Variants in LRRTM3 observed in about 807,000 individuals in gnomAD.
LRRTM3 encodes the protein leucine-rich repeat transmembrane neuronal protein 3.
In LRRTM3, 24 loss-of-function variants were observed where a neutral mutation model predicts 44.7. That is an observed-to-expected ratio of 0.54 (90% confidence interval 0.39 to 0.76). LRRTM3 has a LOEUF of 0.76. LRRTM3 is among the 30% of genes least tolerant of loss of function. The probability of loss-of-function intolerance (pLI) is 0.00; values close to 1 mark genes in which losing one functional copy is unlikely to be tolerated. For missense variants in LRRTM3, 587 were observed against 702.2 expected (o/e 0.84, Z 1.85); for synonymous variants, 277 against 278.7 (o/e 0.99, Z 0.06).
chr10:66,976,272 G>A (rs1850024403), intron 2 of LRRTM3, among the ~76,000 whole-genome samples: 1 of 152,154 alleles, frequency 6.6e-6, no homozygotes, highest in Non-Finnish European at 1.5e-5. Flanking sequence ...CACTAATATA[G>A]GGAATCAGGG....
intron 2 of LRRTM3, among the ~76,000 whole-genome samples, chr10:66,943,335 AT>A (rs150723820): frequency 1.3e-5 from 2 of 151,332 alleles, no homozygotes; most frequent in East Asian, 1.9e-4. Context: ...ATCTTATTAG[AT>A]TTTTTTTTAC....
rs1728312249 is a variant in LRRTM3 at position 67,100,367 on chromosome 10, A to C, written c.*2571A>C. 6.6e-6 allele frequency among the ~76,000 whole-genome samples: 1 copy of C among 151,794 alleles called. No homozygotes were observed. Among genetic ancestry groups the C allele is most frequent in the Admixed American group, 6.6e-5 (1 of 15,188 alleles). ...CCAAAAGGGTCTTTAGCAAGAAAAAAAATGCTGGATGATGATTATTATTAT... is the reference window on the plus strand; with the variant it reads ...CCAAAAGGGTCTTTAGCAAGAAAAACAATGCTGGATGATGATTATTATTAT... On this transcript the variant is annotated 3_prime_UTR_variant, in exon 3 of 3. Transcript: ENST00000361320.
At chr10:67,094,449 T>TA (rs1294066810) in intron 2 of LRRTM3, among the ~76,000 whole-genome samples, 1 of 151,828 alleles carries the variant, frequency 6.6e-6, no homozygotes, top group Non-Finnish European at 1.5e-5. Context: ...TCTAGTAAAT[T>TA]ATTATTTATA....
chr10:67,080,990 A>G (rs1215287807), intron 2 of LRRTM3, among the ~76,000 whole-genome samples: 1 of 152,040 alleles, frequency 6.6e-6, no homozygotes, highest in Non-Finnish European at 1.5e-5. Context: ...CTAAACAATA[A>G]ATCAGCATCC....
chr10:66,970,044 T>C (rs1033842366), intron 2 of LRRTM3, among the ~76,000 whole-genome samples: 1 of 152,152 alleles, frequency 6.6e-6, no homozygotes, highest in Non-Finnish European at 1.5e-5. Context: ...GCGAGTTCCA[T>C]AGGTTTAATG....
chr10:67,092,818 T>C (rs1857736083), intron 2 of LRRTM3, among the ~76,000 whole-genome samples: 1 of 152,032 alleles, frequency 6.6e-6, no homozygotes, highest in African/African-American at 2.4e-5. Flanking sequence ...GGAAAATTAC[T>C]GCTAGGGCAA....
intron 2 of LRRTM3, among the ~76,000 whole-genome samples, chr10:67,092,427 T>C (rs545431805): frequency 6.6e-6 from 1 of 152,104 alleles, no homozygotes; most frequent in Admixed American, 6.6e-5. Context: ...AAGACTGTCA[T>C]TTTCTGTTCT....
At chr10:67,092,471 C>T (rs1857707687) in intron 2 of LRRTM3, among the ~76,000 whole-genome samples, 1 of 151,952 alleles carries the variant, frequency 6.6e-6, no homozygotes. Context: ...ATAACCTTTT[C>T]TATCCAACAG....
At chr10:67,062,385 T>A (rs1855811179) in intron 2 of LRRTM3, among the ~76,000 whole-genome samples, 1 of 152,186 alleles carries the variant, frequency 6.6e-6, no homozygotes, top group South Asian at 2.1e-4. Context: ...AGTTTTAAAA[T>A]TAGTGGTGCT....
intron 2 of LRRTM3, among the ~76,000 whole-genome samples, chr10:66,984,081 T>A (rs571382116): frequency 6.6e-6 from 1 of 152,316 alleles, no homozygotes; most frequent in South Asian, 2.1e-4. Context: ...AGAGCCTGTG[T>A]TCATTCCATC....
intron 2 of LRRTM3, among the ~76,000 whole-genome samples, chr10:67,038,238 C>T (rs1854186496): frequency 6.6e-6 from 1 of 151,870 alleles, no homozygotes; most frequent in Admixed American, 6.6e-5. Flanking sequence ...TGTTGATTAG[C>T]CATTCTAAAA....
intron 2 of LRRTM3, among the ~76,000 whole-genome samples, chr10:66,960,314 A>G (rs769654443): frequency 1.7e-4 from 26 of 152,148 alleles, no homozygotes; most frequent in Non-Finnish European, 3.2e-4. Context: ...TTGCATTTCT[A>G]TATCACTTCC....
At chr10:66,978,091 CAT>C (rs1419429757) in intron 2 of LRRTM3, among the ~76,000 whole-genome samples, 6 of 147,382 alleles carry the variant, frequency 4.1e-5, no homozygotes, top group African/African-American at 1.5e-4. Flanking sequence ...CACACACACA[CAT>C]GCGATGACGT....
intron 2 of LRRTM3, among the ~76,000 whole-genome samples, chr10:67,088,505 C>T (rs1396417782): frequency 1.3e-5 from 2 of 151,830 alleles, no homozygotes; most frequent in African/African-American, 4.8e-5. Context: ...GCCTGCATTA[C>T]ATAAGACTCT....
rs369722416 is a variant in LRRTM3 at position 67,101,388 on chromosome 10, G to T, written c.*3592G>T. Among the ~76,000 whole-genome samples the T allele has an allele frequency of 7.3e-5, 11 of 151,168 alleles. No homozygotes were observed. In the East Asian group the frequency reaches 9.7e-4, roughly 13 times the overall value. On this transcript the variant is annotated 3_prime_UTR_variant, in exon 3 of 3. Transcript: ENST00000361320. ...AAAATTCTTTTTCTTTTTTTCTTTT[G>T]GCAAGATTTCTTCTTAAACCATGAA...
At chr10:66,930,458 G>T (rs924550937) in intron 2 of LRRTM3, among the ~76,000 whole-genome samples, 8 of 152,028 alleles carry the variant, frequency 5.3e-5, no homozygotes, top group African/African-American at 1.7e-4. Context: ...ATCTTAAAAA[G>T]AAATTTTCTT....
At chr10:66,974,888 T>C (rs918752773) in intron 2 of LRRTM3, among the ~76,000 whole-genome samples, 2 of 152,124 alleles carry the variant, frequency 1.3e-5, no homozygotes, top group Non-Finnish European at 2.9e-5. Flanking sequence ...TTCTAAGCAT[T>C]CTTAATAATA....
chr10:66,994,069 C>T (rs2132946894), intron 2 of LRRTM3, among the ~76,000 whole-genome samples: 1 of 152,202 alleles, frequency 6.6e-6, no homozygotes, highest in East Asian at 1.9e-4. Flanking sequence ...TTAATCATGC[C>T]AGGTCAAACT....
chr10:66,963,198 C>A (rs1849214511), intron 2 of LRRTM3, among the ~76,000 whole-genome samples: 1 of 152,156 alleles, frequency 6.6e-6, no homozygotes, highest in Non-Finnish European at 1.5e-5. Context: ...TGGCTCACAA[C>A]CACATGGGAC....
Sources: gnomAD v4.1 joint callset for allele counts (sites outside exome capture counted in the v4.1 genomes callset) on GRCh38, gnomAD v4.1.1 for gene constraint, MANE v1.5 for transcripts, NCBI Gene and HGNC (gene_info 2026-07-23, HGNC 2026-07-21) for gene names.